The following MAN2A2 variants were observed in gnomAD, a reference collection of about 807,000 sequenced individuals.
MAN2A2 encodes the protein mannosidase alpha class 2A member 2.
A neutral mutation model predicts 126.8 loss-of-function variants in MAN2A2; 79 were observed. The ratio of observed to expected loss-of-function variants is 0.62; its 90% CI spans 0.52 to 0.75. MAN2A2 has a LOEUF of 0.75. MAN2A2 is among the 30% of genes least tolerant of loss of function. MAN2A2 has a pLI of 0.00. For synonymous variants in MAN2A2, 671 were observed against 618.7 expected, an observed-to-expected ratio of 1.08 and a Z score of -1.25; for missense variants, 1,392 against 1,522.4, an observed-to-expected ratio of 0.91 and a Z score of 1.43.
At chr15:90,916,077 T>G (rs1330572238) in intron 19 of MAN2A2, 46 bp from the exon 20 acceptor site, 1 of 1,601,074 alleles carries the variant, frequency 6.2e-7, no homozygotes, top group Non-Finnish European at 8.5e-7. Flanking sequence ...GGTCAGTGCC[T>G]GCTTGGGGGT....
In MAN2A2 at chr15:90,910,180, C is replaced by T; in HGVS notation, c.1465C>T (p.Leu489=). ...PGARPPGFPV[L]SGDFFSYADR... ...GGCCCGGCCTCCAGGGTTTCCTGTG[C>T]TGAGCGGGGATTTCTTCTCCTATGC... The change falls in exon 10 of 23, where the codon CTG becomes TTG. Residue 489 remains leucine (L), a synonymous_variant. Transcript: ENST00000559717. The T allele has an allele frequency of 1.9e-6, 3 of 1,614,190 alleles. No homozygotes were observed. The highest frequency in any genetic ancestry group is 2.5e-6 in the Non-Finnish European group (3 of 1,180,026).
Position 90,910,658 on chromosome 15 carries a change from G to A in MAN2A2, c.1735G>A (p.Ala579Thr). ...HDAITGTAKEAVVVDYGVRLL... is the reference protein window; with the variant it reads ...HDAITGTAKETVVVDYGVRLL... ...TGCCATCACTGGCACGGCCAAGGAGGCTGTGGTGGTGGACTATGGGGTCAG... is the reference window on the plus strand; with the variant it reads ...TGCCATCACTGGCACGGCCAAGGAGACTGTGGTGGTGGACTATGGGGTCAG... Residue 579 changes from alanine (A) to threonine (T), a missense_variant, in exon 11 of 23, where the codon GCT becomes ACT. Coordinates refer to ENST00000559717, the MANE Select transcript of MAN2A2 (RefSeq NM_006122.4). 1 of 1,614,102 alleles carries A rather than the reference G, an allele frequency of 6.2e-7. No homozygotes were observed. Among genetic ancestry groups the A allele is most frequent in the Non-Finnish European group, 8.5e-7 (1 of 1,180,020 alleles).
At chr15:90,913,155 AT>A in intron 17 of MAN2A2, 117 bp from the exon 18 acceptor site, 5 of 1,345,676 alleles carry the variant, frequency 3.7e-6, no homozygotes, top group Non-Finnish European at 5.1e-6. Context: ...TGCCCTGGGG[AT>A]TTCTTGGGAG....
At chr15:90,918,081 C>T (rs2035323832) in intron 20 of MAN2A2, 113 bp from the exon 21 acceptor site, 5 of 1,020,568 alleles carry the variant, frequency 4.9e-6, no homozygotes, top group Non-Finnish European at 7.4e-6. Flanking sequence ...AGTCCAGGCA[C>T]ACCAGGAAAG....
intron 15 of MAN2A2, 72 bp from the exon 16 acceptor site, chr15:90,912,470 T>A (rs778194760): frequency 5.6e-6 from 9 of 1,597,814 alleles, no homozygotes; most frequent in South Asian, 2.2e-5. Context: ...GGGAAGCTAT[T>A]CCGTGTCCTC....
rs1417084181 is a variant in MAN2A2, at chr15:90,905,356, G to T, written c.238G>T (p.Ala80Ser). Reference protein sequence around the residue: ...HIKDSVLELTANAEGPPAMLP... With the variant: ...HIKDSVLELTSNAEGPPAMLP... ...CAAGGACTCCGTGCTGGAGCTGACA[G>T]CCAACGCAGAGGGCCCGCCCGCCAT... Residue 80 changes from alanine (A) to serine (S), a missense_variant, in exon 3 of 23, where the codon GCC becomes TCC. Coordinates refer to ENST00000559717, the MANE Select transcript of MAN2A2 (RefSeq NM_006122.4). The T allele has an allele frequency of 3.1e-6, 5 of 1,613,778 alleles. 1 individual carries two copies. In the African/African-American group the frequency reaches 6.7e-5, roughly 22 times the overall value.
rs372848958 is a variant in MAN2A2 at position 90,912,179 on chromosome 15, A to G, written c.2246A>G (p.Glu749Gly). ...HGRQLSVSRH[E>G]AFPLRVIDSG... ...CGGCAGCTGTCCGTCAGCAGGCACG[A>G]AGCGTTTCCTCTCCGTGTCATTGAC... The change falls in exon 15 of 23, where the codon GAA (glutamate) becomes GGA (glycine). Residue 749 changes from glutamate to glycine, a missense_variant. Physicochemically the swap from Glu to Gly is moderately conservative, Grantham distance 98 (BLOSUM62 -2). Coordinates refer to ENST00000559717, the MANE Select transcript of MAN2A2 (RefSeq NM_006122.4). 6.2e-6 allele frequency: 10 copies of G among 1,614,102 alleles called. No individual in the cohort carries two copies. The African/African-American group carries it at 1.1e-4, about 17-fold the overall frequency.
At chr15:90,916,464 C>G in intron 20 of MAN2A2, 3 of 1,111,112 alleles carry the variant, frequency 2.7e-6, no homozygotes, top group Non-Finnish European at 3.9e-6. Flanking sequence ...AGCGCTCTGT[C>G]ACCTGTGCCC....
intron 20 of MAN2A2, 146 bp from the exon 21 acceptor site, chr15:90,918,048 G>A (rs1323295810): frequency 7.0e-6 from 5 of 715,634 alleles, no homozygotes; most frequent in South Asian, 5.2e-5. Flanking sequence ...GCGGAACCTC[G>A]CCTGGAGCCA....
At chr15:90,911,956 C>T (rs771629765) in intron 14 of MAN2A2, 87 bp from the exon 15 acceptor site, 1 of 1,139,400 alleles carries the variant, frequency 8.8e-7, no homozygotes, top group Non-Finnish European at 1.3e-6. Context: ...CAGGGGCTTG[C>T]TCAAGCCCTC....
intron 20 of MAN2A2, chr15:90,916,768 T>A (rs1440476958): frequency 6.2e-6 from 5 of 811,248 alleles, no homozygotes; most frequent in Admixed American, 2.4e-5. Flanking sequence ...AGATAGATAT[T>A]GAGCACCTGC....
At chr15:90,913,575 T>A (rs753617171) in intron 18 of MAN2A2, 39 bp from the exon 19 acceptor site, 1 of 1,590,498 alleles carries the variant, frequency 6.3e-7, no homozygotes, top group Non-Finnish European at 8.5e-7. Context: ...GCCCACATGG[T>A]GCCCGGGTGC....
intron 20 of MAN2A2, 84 bp from the exon 21 acceptor site, chr15:90,918,110 A>C: frequency 7.6e-7 from 1 of 1,322,034 alleles, no homozygotes; most frequent in Non-Finnish European, 1.1e-6. Flanking sequence ...AAAACAACTG[A>C]CCTGGGTGTG....
chr15:90,906,984 C>T, intron 7 of MAN2A2, 71 bp downstream of exon 7: 1 of 1,550,660 alleles, frequency 6.4e-7, no homozygotes, highest in East Asian at 2.2e-5. Context: ...GATATCAGAA[C>T]TAAGACCCCC....
In MAN2A2 at chr15:90,916,209, T is replaced by G; in HGVS notation, c.2947T>G (p.Cys983Gly). The G allele has an allele frequency of 6.2e-7, 1 of 1,614,178 alleles. No individual in the cohort carries two copies. ...GQGLKDNKRT[C>G]NRFRLLLERR... ...AGGGCTCAAGGACAACAAGAGAACC[T>G]GCAACCGTTTCCGCCTCCTGCTAGA... The change falls in exon 20 of 23, where the codon TGC becomes GGC. Residue 983 changes from cysteine to glycine, a missense_variant. By Grantham distance (159) the Cys-to-Gly change is radical. Coordinates refer to ENST00000559717, the MANE Select transcript of MAN2A2 (RefSeq NM_006122.4).
Position 90,910,130 on chromosome 15 carries a change from A to G in MAN2A2, c.1415A>G (p.Tyr472Cys), listed in dbSNP as rs1193779909. Reference sequence around the variant, plus strand: ...CTTTCTGACTATTTTGATGCCCTGTACAAGAGGACAGGGGTGGAGCCAGGG... The same window carrying G: ...CTTTCTGACTATTTTGATGCCCTGTGCAAGAGGACAGGGGTGGAGCCAGGG... ...GTLSDYFDAL[Y>C]KRTGVEPGAR... Residue 472 changes from tyrosine (Y) to cysteine (C), a missense_variant, in exon 10 of 23, where the codon TAC (tyrosine) becomes TGC (cysteine). Transcript: ENST00000559717. 2 of 1,613,962 alleles carry G rather than the reference A, an allele frequency of 1.2e-6. No individual in the cohort carries two copies. The highest frequency in any genetic ancestry group is 8.5e-7 in the Non-Finnish European group (1 of 1,180,012).
rs1049982658 is a variant in MAN2A2 at position 90,905,954 on chromosome 15, G to A, written c.645G>A (p.Glu215=). 4 of 1,613,874 alleles carry A rather than the reference G, an allele frequency of 2.5e-6. No homozygotes were observed. The African/African-American group carries it at 5.3e-5, about 22-fold the overall frequency. ...CCCGGCGGCGCTTCCTCTGGGCAGAGGTCTCCTTCTTCGCCAAGTGGTGGG... is the reference window on the plus strand; with the variant it reads ...CCCGGCGGCGCTTCCTCTGGGCAGAAGTCTCCTTCTTCGCCAAGTGGTGGG... ...EDPRRRFLWA[E]VSFFAKWWDN... Residue 215 remains glutamate, a synonymous_variant, in exon 5 of 23, where the codon GAG becomes GAA. Transcript: ENST00000559717.
chr15:90,919,383 C>T (rs1042045672), intron 22 of MAN2A2, among the ~76,000 whole-genome samples: 10 of 152,138 alleles, frequency 6.6e-5, no homozygotes, highest in African/African-American at 9.7e-5. Flanking sequence ...GGATTACAGG[C>T]GCCTGCCCCC....
intron 9 of MAN2A2, among the ~76,000 whole-genome samples, chr15:90,909,850 G>C (rs149319497): frequency 6.6e-6 from 1 of 152,158 alleles, no homozygotes; most frequent in East Asian, 1.9e-4. Context: ...TGATCCACTC[G>C]CCTCGGCCTC....
Sources: gnomAD v4.1 joint callset for allele counts (sites outside exome capture counted in the v4.1 genomes callset) on GRCh38, gnomAD v4.1.1 for gene constraint, MANE v1.5 for transcripts, NCBI Gene and HGNC (gene_info 2026-07-23, HGNC 2026-07-21) for gene names.